The following WT1 variants were observed in gnomAD, a reference collection of about 807,000 sequenced individuals.
The protein encoded by WT1 is Wilms tumor protein.
Under a neutral mutation model 60.8 loss-of-function variants are expected in WT1, and 8 were observed. That is an observed-to-expected ratio of 0.13 (90% CI 0.08 to 0.24). The LOEUF is 0.24. Among genes scored for constraint, WT1 ranks in the 10% least tolerant of loss-of-function variants. The pLI is 1.00. For synonymous variants in WT1, 312 were observed against 297.1 expected, an observed-to-expected ratio of 1.05 and a Z score of -0.52; for missense variants, 568 against 711.8, an observed-to-expected ratio of 0.80 and a Z score of 2.30.
intron 1 of WT1, among the ~76,000 whole-genome samples, chr11:32,431,990 C>T (rs3858449): frequency 0.21 from 31,835 of 152,046 alleles, 4,250 homozygotes; most frequent in East Asian, 0.68. Context: ...GGGGCCTCTC[C>T]AGGATTAGCT....
At chr11:32,429,075 G>C (rs1240563918) in intron 1 of WT1, 1 of 280,322 alleles carries the variant, frequency 3.6e-6, no homozygotes, top group Non-Finnish European at 7.0e-6. Context: ...TCAGGGGCCC[G>C]CGCACCAACT....
rs1186689455 is a variant in WT1 at position 32,421,425 on chromosome 11, T to A, written c.888-3771A>T. Among the ~76,000 whole-genome samples, 3 of 152,240 alleles carry A rather than the reference T, an allele frequency of 2.0e-5. No homozygotes were observed. In the East Asian group the frequency reaches 5.8e-4, roughly 29 times the overall value. On this transcript the variant is annotated intron_variant, in intron 3 of 9. Transcript: ENST00000452863. ...TAACTCTGCCTGTTCGGAAGTGAAC[T>A]TTCAAATTGCAGGCTGCCAAAATGT...
intron 5 of WT1, among the ~76,000 whole-genome samples, chr11:32,409,715 A>T (rs999835241): frequency 6.6e-5 from 10 of 151,882 alleles, no homozygotes; most frequent in African/African-American, 2.2e-4. Flanking sequence ...CAAAGTGCTG[A>T]GATTACAAGC....
At chr11:32,396,543 A>C (rs1348148835) in intron 6 of WT1, 136 bp from the exon 7 acceptor site, 9 of 1,081,950 alleles carry the variant, frequency 8.3e-6, no homozygotes. Context: ...TCCCATTCAC[A>C]CTCCAGATCC....
At chr11:32,417,517 G>T in intron 4 of WT1, 60 bp downstream of exon 4, 2 of 1,480,016 alleles carry the variant, frequency 1.4e-6, no homozygotes, top group Non-Finnish European at 1.9e-6. Flanking sequence ...AAGCACCTTT[G>T]AAATGGTTCA....
chr11:32,414,102 C>T (rs1852588377), intron 5 of WT1, among the ~76,000 whole-genome samples: 2 of 152,194 alleles, frequency 1.3e-5, no homozygotes, highest in South Asian at 4.1e-4. Context: ...CGTGGATTTA[C>T]AGTATGTTCT....
At chr11:32,434,648 A>G (rs1853427412) in intron 1 of WT1, 52 bp downstream of exon 1, 1 of 1,611,266 alleles carries the variant, frequency 6.2e-7, no homozygotes, top group Non-Finnish European at 8.5e-7. Flanking sequence ...TAGAGCGGAG[A>G]GTCCCTGGCG....
intron 1 of WT1, among the ~76,000 whole-genome samples, chr11:32,430,003 A>AG (rs1437956135): frequency 3.3e-5 from 5 of 151,312 alleles, no homozygotes; most frequent in African/African-American, 9.8e-5. Flanking sequence ...AAAAAGAAAA[A>AG]AAAAAAGCTT....
chr11:32,428,217 A>G (rs1004532422), intron 2 of WT1, among the ~76,000 whole-genome samples, 159 bp from the exon 3 acceptor site: 9 of 152,118 alleles, frequency 5.9e-5, no homozygotes, highest in African/African-American at 1.7e-4. Flanking sequence ...GCAAGAAGCT[A>G]AGCCTCTCAC....
chr11:32,411,775 A>G lies in WT1; in HGVS notation c.1016+4715T>C, dbSNP rs5030230. 3.4e-3 allele frequency among the ~76,000 whole-genome samples: 516 copies of G among 152,314 alleles called. 3 individuals are homozygous for G. The highest frequency in any genetic ancestry group is 0.012 in the African/African-American group (488 of 41,560). ...TCCACACTAAGTGAGAGGGACACAGAGCTAAGTCACGAGTCTCCATCTTTA... is the reference window on the plus strand; with the variant it reads ...TCCACACTAAGTGAGAGGGACACAGGGCTAAGTCACGAGTCTCCATCTTTA... On this transcript the variant is annotated intron_variant, in intron 5 of 9. Transcript: ENST00000452863.
At chr11:32,433,695 G>A (rs1853384007) in intron 1 of WT1, among the ~76,000 whole-genome samples, 1 of 152,252 alleles carries the variant, frequency 6.6e-6, no homozygotes, top group Non-Finnish European at 1.5e-5. Flanking sequence ...CAGGGGCTCC[G>A]CAGGTTCGGG....
At chr11:32,406,680 T>C (rs751631614) in intron 5 of WT1, among the ~76,000 whole-genome samples, 6 of 152,216 alleles carry the variant, frequency 3.9e-5, no homozygotes, top group Admixed American at 6.5e-5. Flanking sequence ...GAAGCAGTTA[T>C]CAGCAGAGCA....
chr11:32,403,924 A>G (rs1347449236), intron 5 of WT1, among the ~76,000 whole-genome samples: 1 of 151,774 alleles, frequency 6.6e-6, no homozygotes, highest in African/African-American at 2.4e-5. Flanking sequence ...CCTCTGCCCC[A>G]TTGTAAACTT....
Position 32,400,020 on chromosome 11 carries a change from A to G in WT1, c.1041T>C (p.Asp347=), listed in dbSNP as rs1159089816. ...CGCAGAGGATGGGCGTTGTGTGGTT[A>G]TCGCTCTCGTACCCTGTGCTGTGGC... Residue 347 remains aspartate (D), a synonymous_variant, in exon 6 of 10, where the codon GAT becomes GAC. Coordinates refer to ENST00000452863, the MANE Select transcript of WT1 (RefSeq NM_024426.6). 6.2e-7 allele frequency: 1 copy of G among 1,614,222 alleles called. No individual in the cohort carries two copies. Among genetic ancestry groups the G allele is most frequent in the Admixed American group, 1.7e-5 (1 of 60,028 alleles).
intron 5 of WT1, among the ~76,000 whole-genome samples, chr11:32,408,076 A>G (rs1161814513): frequency 1.3e-5 from 2 of 151,082 alleles, no homozygotes; most frequent in Non-Finnish European, 1.5e-5. Flanking sequence ...TACAAAAATT[A>G]GCTGGGCATG....
chr11:32,423,634 T>G (rs1200100412), intron 3 of WT1, among the ~76,000 whole-genome samples: 1 of 152,230 alleles, frequency 6.6e-6, no homozygotes, highest in Non-Finnish European at 1.5e-5. Context: ...GGATGGATTC[T>G]GGAGCTGTAT....
Position 32,388,561 on chromosome 11 carries a change from A to G in WT1, c.*497T>C. 1 of 247,962 alleles carries G rather than the reference A, an allele frequency of 4.0e-6. No homozygotes were observed. Among genetic ancestry groups the G allele is most frequent in the East Asian group, 5.6e-5 (1 of 17,802 alleles). The allele number at this position is 247,962 out of a possible 1,614,324, so 15.4% of individuals were successfully genotyped here. A position where few individuals can be genotyped will look rare whatever the true frequency, so the allele number is the denominator to read the frequency against. The stretch of plus-strand genomic sequence containing the variant: ...GCTGACCTCGGGAATGTTAGACAAG[A>G]TTCACCCCCGATGCCTTGCTCTCTG... On this transcript the variant is annotated 3_prime_UTR_variant, in exon 10 of 10. Coordinates refer to ENST00000452863, the MANE Select transcript of WT1 (RefSeq NM_024426.6).
chr11:32,390,708 C>T (rs1055062560), intron 9 of WT1, among the ~76,000 whole-genome samples: 8 of 152,198 alleles, frequency 5.3e-5, no homozygotes, highest in African/African-American at 1.9e-4. Context: ...TGTCTCTTGT[C>T]ATCTTCATTC....
chr11:32,421,228 T>A (rs951257897), intron 3 of WT1, among the ~76,000 whole-genome samples: 1 of 152,176 alleles, frequency 6.6e-6, no homozygotes, highest in Non-Finnish European at 1.5e-5. Context: ...TGGAAGCCCA[T>A]GGAAAGAGGC....
Sources: allele counts gnomAD v4.1 joint callset (sites outside exome capture counted in the v4.1 genomes callset), GRCh38; gene constraint gnomAD v4.1.1; transcripts MANE v1.5; gene names NCBI Gene and HGNC (gene_info 2026-07-23, HGNC 2026-07-21).